Variants in PDE4D observed in about 807,000 individuals in gnomAD.
PDE4D encodes 3',5'-cyclic-AMP phosphodiesterase 4D.
PDE4D carries 24 observed loss-of-function variants against 87.4 expected under a neutral mutation model. The ratio of observed to expected loss-of-function variants is 0.27; its 90% CI spans 0.20 to 0.39. The LOEUF (loss-of-function observed/expected upper bound fraction) is 0.39, where lower values mean the gene tolerates loss of function less well. Among genes scored for constraint, PDE4D ranks in the 10% least tolerant of loss-of-function variants. PDE4D has a pLI of 1.00. For missense variants in PDE4D, 714 were observed against 1,041.0 expected (o/e 0.69, Z 4.32); for synonymous variants, 384 against 383.2 (o/e 1.00, Z -0.02).
chr5:59,308,738 C>G (rs139573411), intron 1 of PDE4D, among the ~76,000 whole-genome samples: 96 of 152,096 alleles, frequency 6.3e-4, no homozygotes, highest in Non-Finnish European at 1.1e-3. Flanking sequence ...GCTGGCTGGT[C>G]TCCTGCCAGG....
At chr5:59,885,720 T>C (rs866533123) in intron 1 of PDE4D, among the ~76,000 whole-genome samples, 27 of 125,532 alleles carry the variant, frequency 2.2e-4, no homozygotes, top group South Asian at 4.9e-4. Flanking sequence ...TTTTCACTCT[T>C]ACATGTTGTT....
At chr5:59,008,191 A>G (rs1415949977) in intron 6 of PDE4D, among the ~76,000 whole-genome samples, 1 of 152,054 alleles carries the variant, frequency 6.6e-6, no homozygotes, top group African/African-American at 2.4e-5. Context: ...AAGCCTCCAC[A>G]AAAATAATCT....
chr5:59,558,250 T>C (rs925299553), intron 1 of PDE4D, among the ~76,000 whole-genome samples: 2 of 152,032 alleles, frequency 1.3e-5, no homozygotes, highest in Non-Finnish European at 2.9e-5. Context: ...AATAGGTAAA[T>C]TAGAAGGTAT....
chr5:60,291,836 T>C (rs1413250212), intron 1 of PDE4D, among the ~76,000 whole-genome samples: 2 of 152,150 alleles, frequency 1.3e-5, no homozygotes, highest in Non-Finnish European at 2.9e-5. Context: ...TCTAAGTAAA[T>C]AATCCAAAAT....
intron 1 of PDE4D, among the ~76,000 whole-genome samples, chr5:60,379,652 C>A (rs965749518): frequency 6.6e-6 from 1 of 152,148 alleles, no homozygotes; most frequent in Non-Finnish European, 1.5e-5. Context: ...CTTTGTGGGG[C>A]CTACAGGTTC....
intron 5 of PDE4D, among the ~76,000 whole-genome samples, chr5:59,042,606 C>T (rs1759876224): frequency 6.6e-6 from 1 of 152,150 alleles, no homozygotes; most frequent in Non-Finnish European, 1.5e-5. Context: ...GAGAAAAACA[C>T]CCAAGCAAAA....
chr5:59,007,817 A>G (rs1751936171), intron 6 of PDE4D, among the ~76,000 whole-genome samples: 1 of 151,380 alleles, frequency 6.6e-6, no homozygotes, highest in Admixed American at 6.6e-5. Context: ...TCGTTCTCTA[A>G]ATGATCTTAT....
At chr5:59,132,553 T>C (rs1281556898) in intron 5 of PDE4D, among the ~76,000 whole-genome samples, 1 of 152,218 alleles carries the variant, frequency 6.6e-6, no homozygotes, top group Non-Finnish European at 1.5e-5. Flanking sequence ...TAATTTTTTA[T>C]TACAGTATAT....
intron 1 of PDE4D, among the ~76,000 whole-genome samples, chr5:60,332,750 T>C (rs934938384): frequency 6.6e-6 from 1 of 152,200 alleles, no homozygotes; most frequent in Non-Finnish European, 1.5e-5. Context: ...CTATGAGTTA[T>C]TTATCACTCA....
At chr5:59,168,806 G>C (rs1178281512) in intron 5 of PDE4D, among the ~76,000 whole-genome samples, 5 of 152,072 alleles carry the variant, frequency 3.3e-5, no homozygotes, top group Admixed American at 3.3e-4. Context: ...TTTTAGGAGA[G>C]GACTTGACAT....
intron 1 of PDE4D, among the ~76,000 whole-genome samples, chr5:59,461,209 T>C (rs1800726578): frequency 6.6e-6 from 1 of 152,166 alleles, no homozygotes; most frequent in African/African-American, 2.4e-5. Context: ...TAAAAGCATG[T>C]TGTAAATTAC....
At chr5:59,700,933 A>G (rs1561501497) in intron 1 of PDE4D, among the ~76,000 whole-genome samples, 1 of 152,106 alleles carries the variant, frequency 6.6e-6, no homozygotes, top group Non-Finnish European at 1.5e-5. Context: ...TGCCACTTAC[A>G]TATTTATTCT....
intron 2 of PDE4D, among the ~76,000 whole-genome samples, chr5:59,209,400 G>A (rs1273370780): frequency 2.0e-5 from 3 of 151,990 alleles, no homozygotes; most frequent in Admixed American, 2.0e-4. Flanking sequence ...TGCCCAAGTT[G>A]GTCTCAAACT....
At chr5:59,607,441 T>A (rs1473209483) in intron 1 of PDE4D, among the ~76,000 whole-genome samples, 1 of 152,104 alleles carries the variant, frequency 6.6e-6, no homozygotes, top group African/African-American at 2.4e-5. Flanking sequence ...TCTGTACGTT[T>A]TAGAGAAATG....
At chr5:59,134,841 T>C (rs1306924988) in intron 5 of PDE4D, among the ~76,000 whole-genome samples, 1 of 152,228 alleles carries the variant, frequency 6.6e-6, no homozygotes, top group Non-Finnish European at 1.5e-5. Flanking sequence ...CTTTTCCTCA[T>C]GGCTCCAAAT....
chr5:59,146,351 A>C (rs2153457736), intron 5 of PDE4D, among the ~76,000 whole-genome samples: 1 of 152,298 alleles, frequency 6.6e-6, no homozygotes, highest in South Asian at 2.1e-4. Flanking sequence ...TACATAATAC[A>C]CAAGAAGCTG....
intron 5 of PDE4D, among the ~76,000 whole-genome samples, chr5:59,108,470 G>A (rs1771998556): frequency 6.6e-6 from 1 of 152,188 alleles, no homozygotes. Flanking sequence ...GTGTATGTGT[G>A]TGCATGTGTG....
chr5:59,698,008 A>G (rs548926931), intron 1 of PDE4D, among the ~76,000 whole-genome samples: 1 of 152,284 alleles, frequency 6.6e-6, no homozygotes, highest in East Asian at 1.9e-4. Context: ...CTCCTCTCTC[A>G]AGCAGTTTAG....
At chr5:59,536,892 A>G (rs1237127843) in intron 1 of PDE4D, among the ~76,000 whole-genome samples, 3 of 152,220 alleles carry the variant, frequency 2.0e-5, no homozygotes, top group Non-Finnish European at 4.4e-5. Flanking sequence ...AGTTTTAAAT[A>G]TAATACTGTT....
Sources: gnomAD v4.1 joint callset for allele counts (sites outside exome capture counted in the v4.1 genomes callset) on GRCh38, gnomAD v4.1.1 for gene constraint, MANE v1.5 for transcripts, NCBI Gene and HGNC (gene_info 2026-07-23, HGNC 2026-07-21) for gene names.